Variants in COL21A1 observed in about 807,000 individuals in gnomAD.
COL21A1 encodes collagen type XXI alpha 1 chain, also known as collagen alpha-1(XXI) chain.
Under a neutral mutation model 137.9 loss-of-function variants are expected in COL21A1, and 149 were observed. The observed-to-expected ratio is 1.08, with a 90% CI of 0.95 to 1.24. The LOEUF (loss-of-function observed/expected upper bound fraction) is 1.24, where lower values mean the gene tolerates loss of function less well. Ranked by LOEUF, COL21A1 falls within the 50% of genes most tolerant of loss-of-function variation. The pLI is 0.00. For synonymous variants in COL21A1, 456 were observed against 391.5 expected (o/e 1.16, Z -1.95); for missense variants, 1,167 against 1,158.4 (o/e 1.01, Z -0.11).
Position 56,238,231 on chromosome 6 carries a change from G to C in COL21A1, c.-39+9156C>G, listed in dbSNP as rs144986279. Among the ~76,000 whole-genome samples, 300 of 152,058 alleles carry C rather than the reference G, an allele frequency of 2.0e-3. 2 individuals are homozygous for C. Among genetic ancestry groups the C allele is most frequent in the Non-Finnish European group, 3.4e-3 (231 of 67,984 alleles). On this transcript the variant is annotated intron_variant, in intron 1 of 29. Transcript: ENST00000244728. ...CTAAGGGGAAACTGACTAACAAACTGAGTGCTCCAGGACAGGAATCATGTC... is the reference window on the plus strand; with the variant it reads ...CTAAGGGGAAACTGACTAACAAACTCAGTGCTCCAGGACAGGAATCATGTC...
chr6:56,197,258 AG>A (rs1449560205), intron 1 of COL21A1, among the ~76,000 whole-genome samples: 2 of 152,136 alleles, frequency 1.3e-5, no homozygotes, highest in Admixed American at 6.6e-5. Context: ...CAAAACTCCT[AG>A]AAGAAAACAC....
chr6:56,094,167 C>G (rs753123960), intron 17 of COL21A1, among the ~76,000 whole-genome samples: 23 of 152,240 alleles, frequency 1.5e-4, no homozygotes, highest in Non-Finnish European at 3.2e-4. Flanking sequence ...AAATCATGCT[C>G]TATCTTCAGC....
At chr6:56,277,119 CGGTT>C (rs1763684760) in intron 1 of COL21A1, among the ~76,000 whole-genome samples, 2 of 151,898 alleles carry the variant, frequency 1.3e-5, no homozygotes, top group African/African-American at 4.8e-5. Context: ...CACACCCAGC[CGGTT>C]GTTCAGTAAG....
intron 1 of COL21A1, among the ~76,000 whole-genome samples, chr6:56,239,881 G>C (rs928897949): frequency 6.6e-6 from 1 of 152,164 alleles, no homozygotes; most frequent in Non-Finnish European, 1.5e-5. Flanking sequence ...GGTATGGTTT[G>C]CCTGTGTCCC....
intron 1 of COL21A1, among the ~76,000 whole-genome samples, chr6:56,222,520 G>C (rs1449540036): frequency 6.6e-6 from 1 of 151,992 alleles, no homozygotes; most frequent in Non-Finnish European, 1.5e-5. Context: ...AACAAAAGAG[G>C]CATTGCTTCT....
At chr6:56,277,344 T>C (rs998822413) in intron 1 of COL21A1, among the ~76,000 whole-genome samples, 1 of 152,272 alleles carries the variant, frequency 6.6e-6, no homozygotes, top group South Asian at 2.1e-4. Flanking sequence ...CCTTCCTGTG[T>C]CCAGGTTTTC....
At chr6:56,186,628 C>A (rs577932136) in intron 1 of COL21A1, among the ~76,000 whole-genome samples, 1 of 152,008 alleles carries the variant, frequency 6.6e-6, no homozygotes, top group African/African-American at 2.4e-5. Context: ...AATAGTAGAA[C>A]AAAGTGAATT....
In COL21A1 at chr6:56,141,697, C is replaced by T. The variant is rs551217364; in HGVS notation, c.1542+88G>A. 112 of 1,378,422 alleles carry T rather than the reference C, an allele frequency of 8.1e-5. 1 individual carries two copies. The highest frequency in any genetic ancestry group is 3.1e-4 in the African/African-American group (22 of 70,386). The allele number at this position is 1,378,422 out of a possible 1,614,324, so 85.4% of individuals were successfully genotyped here. A position where few individuals can be genotyped will look rare whatever the true frequency, so the allele number is the denominator to read the frequency against. ...CCACAAATCTTAGAATTCACCAAGA[C>T]GCAGACTATTGAATGGAAACCATCA... On this transcript the variant is annotated intron_variant, in intron 12 of 29. Transcript: ENST00000244728.
At chr6:56,332,488 T>TG (rs1765250101) in intron 1 of COL21A1, among the ~76,000 whole-genome samples, 1 of 149,574 alleles carries the variant, frequency 6.7e-6, no homozygotes, top group South Asian at 2.1e-4. Context: ...TTTTTTTTTT[T>TG]GCTACATTAG....
At chr6:56,114,331 T>G (rs1175247480) in intron 16 of COL21A1, among the ~76,000 whole-genome samples, 1 of 152,216 alleles carries the variant, frequency 6.6e-6, no homozygotes, top group South Asian at 2.1e-4. Flanking sequence ...CTTGTATCAC[T>G]CCATCCCCAG....
chr6:56,344,329 G>T (rs1196047732), intron 1 of COL21A1, among the ~76,000 whole-genome samples: 1 of 152,072 alleles, frequency 6.6e-6, no homozygotes. Context: ...AATTGCAGTT[G>T]TCCTATTTTC....
At chr6:56,281,807 A>G (rs1042095184) in intron 1 of COL21A1, among the ~76,000 whole-genome samples, 1 of 152,240 alleles carries the variant, frequency 6.6e-6, no homozygotes, top group Non-Finnish European at 1.5e-5. Context: ...GTACAGGCAT[A>G]TATTAGATGG....
chr6:56,339,307 C>T (rs6935752), intron 1 of COL21A1, among the ~76,000 whole-genome samples: 25,100 of 151,942 alleles, frequency 0.17, 2,352 homozygotes, highest in African/African-American at 0.25. Flanking sequence ...TAGATGGCAA[C>T]GTCTATGTTT....
intron 10 of COL21A1, among the ~76,000 whole-genome samples, chr6:56,143,391 G>T (rs1774582500): frequency 6.6e-6 from 1 of 151,442 alleles, no homozygotes; most frequent in East Asian, 1.9e-4. Flanking sequence ...TAGTAGAGAT[G>T]GGGTTTCACC....
At chr6:56,203,311 T>C (rs1021917275) in intron 1 of COL21A1, among the ~76,000 whole-genome samples, 3 of 152,058 alleles carry the variant, frequency 2.0e-5, no homozygotes, top group Non-Finnish European at 4.4e-5. Context: ...ATATCCAAGG[T>C]TAAATAATAC....
Position 56,060,121 on chromosome 6 carries a change from C to A in COL21A1, c.2505G>T (p.Pro835=), listed in dbSNP as rs754347462. 1.2e-6 allele frequency: 2 copies of A among 1,610,462 alleles called. No individual in the cohort carries two copies. The highest frequency in any genetic ancestry group is 1.7e-5 in the Admixed American group (1 of 59,020). ...ATCCTCTGGGACCCTCTGGGCCTATCGGACCAGGTGGCCCAGGAATACCCG... is the reference window on the plus strand; with the variant it reads ...ATCCTCTGGGACCCTCTGGGCCTATAGGACCAGGTGGCCCAGGAATACCCG... The part of the protein sequence containing the change: ...GSPGIPGPPG[P]IGPEGPRGLP... Residue 835 remains proline, a synonymous_variant, in exon 28 of 30, where the codon CCG becomes CCT. Transcript: ENST00000244728.
At chr6:56,220,535 T>C (rs764195388) in intron 1 of COL21A1, among the ~76,000 whole-genome samples, 2 of 152,186 alleles carry the variant, frequency 1.3e-5, no homozygotes, top group Non-Finnish European at 2.9e-5. Context: ...AAACTTTATG[T>C]TTTATTTAAG....
chr6:56,164,146 C>T (rs1027332915), intron 9 of COL21A1, among the ~76,000 whole-genome samples: 6 of 152,106 alleles, frequency 3.9e-5, no homozygotes, highest in African/African-American at 1.4e-4. Context: ...TTCTTGGGAT[C>T]TAGCAGCAGT....
intron 10 of COL21A1, among the ~76,000 whole-genome samples, chr6:56,156,400 C>A (rs1442920647): frequency 1.3e-5 from 2 of 152,156 alleles, no homozygotes; most frequent in Non-Finnish European, 2.9e-5. Context: ...ATTGTAAATT[C>A]CTTCTCTGCT....
Sources: allele counts gnomAD v4.1 joint callset (sites outside exome capture counted in the v4.1 genomes callset), GRCh38; gene constraint gnomAD v4.1.1; transcripts MANE v1.5; gene names NCBI Gene and HGNC (gene_info 2026-07-23, HGNC 2026-07-21).